CTNNA3: variants seen among roughly 807,000 people sequenced by gnomAD.
The protein encoded by CTNNA3 is catenin alpha 3.
In CTNNA3, 76 loss-of-function variants were observed where a neutral mutation model predicts 95.7. The ratio of observed to expected loss-of-function variants is 0.79; its 90% CI spans 0.66 to 0.96. The LOEUF is 0.96. Among genes scored for constraint, CTNNA3 ranks in the 40% least tolerant of loss-of-function variants. The pLI is 0.00. For missense variants in CTNNA3, 1,191 were observed against 1,089.8 expected, an observed-to-expected ratio of 1.09 and a Z score of -1.31; for synonymous variants, 431 against 374.4, an observed-to-expected ratio of 1.15 and a Z score of -1.74.
intron 17 of CTNNA3, among the ~76,000 whole-genome samples, chr10:65,930,452 T>C (rs974232914): frequency 1.3e-5 from 2 of 152,116 alleles, no homozygotes; most frequent in Non-Finnish European, 2.9e-5. Flanking sequence ...TTTTCTCCCA[T>C]TGGTTAACTC....
chr10:67,324,852 C>G (rs186329737), intron 5 of CTNNA3, among the ~76,000 whole-genome samples: 1 of 152,072 alleles, frequency 6.6e-6, no homozygotes, highest in Non-Finnish European at 1.5e-5. Flanking sequence ...TAGAATTCAG[C>G]TATGAATCCA....
intron 9 of CTNNA3, among the ~76,000 whole-genome samples, chr10:66,645,753 C>A (rs1459937522): frequency 3.3e-5 from 5 of 152,126 alleles, no homozygotes; most frequent in African/African-American, 1.2e-4. Context: ...GGTTGCACGT[C>A]CTTTATGAGA....
chr10:67,711,365 T>C (rs545774732), intron 1 of CTNNA3, among the ~76,000 whole-genome samples: 1 of 152,098 alleles, frequency 6.6e-6, no homozygotes, highest in African/African-American at 2.4e-5. Context: ...CCCTAGAAAC[T>C]TGTTGAATGA....
intron 5 of CTNNA3, among the ~76,000 whole-genome samples, chr10:67,393,596 A>C (rs1417116302): frequency 6.6e-6 from 1 of 152,246 alleles, no homozygotes; most frequent in African/African-American, 2.4e-5. Flanking sequence ...TTTGCCGCTC[A>C]TTGCCATTAT....
At chr10:67,747,736 G>T (rs1841381309) in intron 1 of CTNNA3, among the ~76,000 whole-genome samples, 3 of 152,148 alleles carry the variant, frequency 2.0e-5, no homozygotes, top group Non-Finnish European at 2.9e-5. Context: ...TCCAGCAAGG[G>T]GACAGAACTG....
At chr10:66,137,847 G>A (rs1362729888) in intron 13 of CTNNA3, among the ~76,000 whole-genome samples, 2 of 152,142 alleles carry the variant, frequency 1.3e-5, no homozygotes, top group African/African-American at 4.8e-5. Context: ...CTACTCTGGA[G>A]GCTAATGTCG....
At chr10:66,921,337 G>T (rs532417754) in intron 7 of CTNNA3, among the ~76,000 whole-genome samples, 1 of 152,204 alleles carries the variant, frequency 6.6e-6, no homozygotes, top group Admixed American at 6.5e-5. Context: ...TATGGCTTTT[G>T]GGGACGGTAA....
intron 15 of CTNNA3, among the ~76,000 whole-genome samples, chr10:66,056,078 A>G (rs1217891564): frequency 6.6e-6 from 1 of 152,128 alleles, no homozygotes; most frequent in East Asian, 1.9e-4. Context: ...AAGTGGTGAA[A>G]GTGGGAATCC....
chr10:66,403,933 T>C (rs1198561290), intron 11 of CTNNA3, among the ~76,000 whole-genome samples: 1 of 152,284 alleles, frequency 6.6e-6, no homozygotes, highest in East Asian at 1.9e-4. Context: ...GTTTGGAGAC[T>C]GAAACTGTCT....
intron 7 of CTNNA3, among the ~76,000 whole-genome samples, chr10:66,938,354 C>T (rs1419834558): frequency 1.3e-5 from 2 of 151,932 alleles, no homozygotes; most frequent in Non-Finnish European, 2.9e-5. Context: ...ATATTGTTGA[C>T]CAGAAGCCTT....
intron 3 of CTNNA3, among the ~76,000 whole-genome samples, chr10:67,558,844 A>G (rs183482201): frequency 0.016 from 2,395 of 152,308 alleles, 23 homozygotes; most frequent in South Asian, 0.035. Context: ...TATCCCGCAC[A>G]TGGCTCGGAG....
chr10:67,341,005 T>C (rs954011542), intron 5 of CTNNA3, among the ~76,000 whole-genome samples: 1 of 152,178 alleles, frequency 6.6e-6, no homozygotes, highest in African/African-American at 2.4e-5. Context: ...GATTTTACAA[T>C]CTAGTTATTG....
intron 5 of CTNNA3, among the ~76,000 whole-genome samples, chr10:67,388,974 C>T (rs1421520586): frequency 6.6e-6 from 1 of 152,082 alleles, no homozygotes; most frequent in Non-Finnish European, 1.5e-5. Flanking sequence ...ATGTAAAGAC[C>T]ATCAAGACTA....
chr10:66,178,591 T>C (rs994600255), intron 13 of CTNNA3, among the ~76,000 whole-genome samples: 1 of 151,254 alleles, frequency 6.6e-6, no homozygotes, highest in Non-Finnish European at 1.5e-5. Flanking sequence ...TAGATTATAT[T>C]ACTCTGTGAA....
At chr10:66,943,010 T>G (rs1304973204) in intron 7 of CTNNA3, among the ~76,000 whole-genome samples, 1 of 152,152 alleles carries the variant, frequency 6.6e-6, no homozygotes, top group African/African-American at 2.4e-5. Context: ...ACAAAATAGC[T>G]TCTCAGGGCA....
chr10:67,557,818 T>G (rs1036161124), intron 3 of CTNNA3, among the ~76,000 whole-genome samples: 1 of 152,222 alleles, frequency 6.6e-6, no homozygotes, highest in African/African-American at 2.4e-5. Flanking sequence ...AGCTCTATTT[T>G]AGGTAGAAAC....
At chr10:67,520,542 G>T (rs963596064) in intron 5 of CTNNA3, among the ~76,000 whole-genome samples, 8 of 152,076 alleles carry the variant, frequency 5.3e-5, no homozygotes, top group South Asian at 2.1e-4. Context: ...TCCTCTGGGG[G>T]TTTGTTATAG....
Position 66,195,964 on chromosome 10 carries a change from C to T in CTNNA3, c.1884+84506G>A, listed in dbSNP as rs1372524438. On this transcript the variant is annotated intron_variant, in intron 13 of 17. Transcript: ENST00000433211. ...TCTATAATTGTTTCTTAGCTACACA[C>T]ACATACACACACAAAGCAATTGGAT... 4.6e-5 allele frequency among the ~76,000 whole-genome samples: 7 copies of T among 152,230 alleles called. No individual in the cohort carries two copies. The South Asian group carries it at 1.2e-3, about 27-fold the overall frequency.
intron 10 of CTNNA3, among the ~76,000 whole-genome samples, chr10:66,540,316 A>C (rs968433312): frequency 3.9e-5 from 6 of 152,290 alleles, no homozygotes; most frequent in Middle Eastern, 3.4e-3. Flanking sequence ...TTTGTTGTAC[A>C]TGAAATTCAC....
Sources: allele counts gnomAD v4.1 joint callset (sites outside exome capture counted in the v4.1 genomes callset), GRCh38; gene constraint gnomAD v4.1.1; transcripts MANE v1.5; gene names NCBI Gene and HGNC (gene_info 2026-07-23, HGNC 2026-07-21).